The following DOCK7 variants were observed in gnomAD, a reference collection of about 807,000 sequenced individuals.
DOCK7 encodes dedicator of cytokinesis protein 7.
In DOCK7, 138 loss-of-function variants were observed where a neutral mutation model predicts 271.0. That is an observed-to-expected ratio of 0.51 (90% CI 0.44 to 0.59). The LOEUF (loss-of-function observed/expected upper bound fraction) is 0.59, where lower values mean the gene tolerates loss of function less well. Ranked by LOEUF, DOCK7 falls within the 20% of genes least tolerant of loss-of-function variation. The pLI is 0.00. For missense variants in DOCK7, 2,066 were observed against 2,592.4 expected (o/e 0.80, Z 4.41); for synonymous variants, 823 against 876.1 (o/e 0.94, Z 1.07).
At chr1:62,620,395 C>G (rs1232997357) in intron 12 of DOCK7, among the ~76,000 whole-genome samples, 1 of 151,484 alleles carries the variant, frequency 6.6e-6, no homozygotes, top group East Asian at 1.9e-4. Flanking sequence ...TAAGCATGCC[C>G]TTATGCCTAC....
Position 62,681,531 on chromosome 1 carries a change from T to C in DOCK7, c.38+6696A>G, listed in dbSNP as rs1479021468. 3.1e-4 allele frequency among the ~76,000 whole-genome samples: 7 copies of C among 22,320 alleles called. No homozygotes were observed. The South Asian group carries it at 0.029, about 91-fold the overall frequency. 14.6% of individuals were successfully genotyped at this position (22,320 alleles called of 152,430 possible). On this transcript the variant is annotated intron_variant, in intron 1 of 49. Coordinates refer to ENST00000635253, the MANE Select transcript of DOCK7 (RefSeq NM_001367561.1). ...CACATGTACCGTAGAACTTAAAGTA[T>C]AATAAAAAATAAAAAAAATAAAATA...
chr1:62,511,922 A>T (rs905488167), intron 33 of DOCK7, among the ~76,000 whole-genome samples: 1 of 152,150 alleles, frequency 6.6e-6, no homozygotes, highest in African/African-American at 2.4e-5. Flanking sequence ...TAATAAGCCA[A>T]TGTCTATTAT....
At position 62,648,182 on chromosome 1, in the gene DOCK7, ATTTCTTCATTT is replaced by A; in HGVS notation, c.645_655del (p.Asn216ArgfsTer5). On this transcript the variant is annotated frameshift_variant, in exon 6 of 50. Coordinates refer to ENST00000635253, the MANE Select transcript of DOCK7 (RefSeq NM_001367561.1). LOFTEE classifies it high-confidence loss of function. ...CCTTTGGTCATCATTCTGACGGTCTATTTCTTCATTTGGAGTTCGATCAAGTAAATTGGGAA... is the reference window on the plus strand; with the variant it reads ...CCTTTGGTCATCATTCTGACGGTCTAGGAGTTCGATCAAGTAAATTGGGAA... 6.2e-7 allele frequency: 1 copy of A among 1,613,566 alleles called. No homozygotes were observed. The highest frequency in any genetic ancestry group is 8.5e-7 in the Non-Finnish European group (1 of 1,179,740).
intron 1 of DOCK7, among the ~76,000 whole-genome samples, chr1:62,682,556 A>C (rs1321729926): frequency 6.6e-6 from 1 of 152,210 alleles, no homozygotes; most frequent in East Asian, 1.9e-4. Flanking sequence ...TTTTTAAAAA[A>C]ACAGCTCATG....
intron 7 of DOCK7, among the ~76,000 whole-genome samples, chr1:62,646,493 A>G (rs1656682102): frequency 6.6e-6 from 1 of 152,180 alleles, no homozygotes; most frequent in Non-Finnish European, 1.5e-5. Context: ...AGGTCCTAAG[A>G]GTGGGGCACT....
At chr1:62,536,989 A>C (rs1571447205) in intron 28 of DOCK7, among the ~76,000 whole-genome samples, 1 of 152,280 alleles carries the variant, frequency 6.6e-6, no homozygotes. Context: ...AGTGCCACCC[A>C]CTGAAAAACC....
At chr1:62,622,567 T>C (rs946306704) in intron 12 of DOCK7, among the ~76,000 whole-genome samples, 11 of 152,030 alleles carry the variant, frequency 7.2e-5, no homozygotes, top group Non-Finnish European at 1.3e-4. Flanking sequence ...AATTCTCCCG[T>C]CTCAGCCTCC....
At chr1:62,482,812 A>G (rs1646166946) in intron 43 of DOCK7, 1 of 152,162 alleles carries the variant, frequency 6.6e-6, no homozygotes, top group African/African-American at 2.4e-5. Context: ...CCTCTACTGC[A>G]ATTATTTTTG....
chr1:62,634,704 G>A (rs1655041226), intron 9 of DOCK7, 69 bp downstream of exon 9: 11 of 1,476,668 alleles, frequency 7.4e-6, no homozygotes, highest in Middle Eastern at 1.8e-4. Flanking sequence ...CCCTTGAAAA[G>A]TTTATAATAC....
At chr1:62,557,800 CCTT>C (rs929743160) in intron 20 of DOCK7, among the ~76,000 whole-genome samples, 9 of 151,342 alleles carry the variant, frequency 5.9e-5, no homozygotes, top group East Asian at 1.9e-4. Flanking sequence ...TTCCTTAAAA[CCTT>C]CTTCTATAAT....
chr1:62,526,798 T>C (rs148618082), intron 31 of DOCK7, among the ~76,000 whole-genome samples: 17 of 152,328 alleles, frequency 1.1e-4, no homozygotes, highest in African/African-American at 3.8e-4. Context: ...CAAAAACTTA[T>C]GCTTAGTGAA....
rs143636768 is a variant in DOCK7 at position 62,475,951 on chromosome 1, A to G, written c.5725-8T>C. On this transcript the variant is annotated splice_region_variant and splice_polypyrimidine_tract_variant and intron_variant, in intron 45 of 49. Coordinates refer to ENST00000635253, the MANE Select transcript of DOCK7 (RefSeq NM_001367561.1). ...GGTAATCTGAATATATGCCTAGGAA[A>G]GAAAAAAGTCCTTCATTTCCTCACT... is the stretch of plus-strand genomic sequence containing the variant. The G allele has an allele frequency of 9.4e-5, 152 of 1,612,008 alleles. No individual in the cohort carries two copies. The East Asian group carries it at 3.3e-3, about 35-fold the overall frequency.
chr1:62,609,992 AG>A (rs1651554808), intron 14 of DOCK7, among the ~76,000 whole-genome samples: 1 of 152,070 alleles, frequency 6.6e-6, no homozygotes, highest in African/African-American at 2.4e-5. Flanking sequence ...CTAGGATTAC[AG>A]GTATGTGCCA....
chr1:62,525,273 T>C lies in DOCK7; in HGVS notation c.3936+2878A>G, dbSNP rs558831231. 2.7e-4 allele frequency among the ~76,000 whole-genome samples: 41 copies of C among 151,820 alleles called. 1 individual carries two copies. Among genetic ancestry groups the C allele is most frequent in the Non-Finnish European group, 2.1e-4 (14 of 67,968 alleles). On this transcript the variant is annotated intron_variant, in intron 31 of 49. Coordinates refer to ENST00000635253, the MANE Select transcript of DOCK7 (RefSeq NM_001367561.1). ...ATCTGCCCACCTTGGCCTCCCAAAGTGCTGGGATTACAGGCGTGAGCCACC... is the reference window on the plus strand; with the variant it reads ...ATCTGCCCACCTTGGCCTCCCAAAGCGCTGGGATTACAGGCGTGAGCCACC...
At chr1:62,635,605 T>C (rs1051527623) in intron 8 of DOCK7, 1 of 151,444 alleles carries the variant, frequency 6.6e-6, no homozygotes, top group Non-Finnish European at 1.5e-5. Flanking sequence ...GATTCCAAAG[T>C]GACTTTTAAA....
intron 20 of DOCK7, among the ~76,000 whole-genome samples, chr1:62,556,418 AT>A (rs1202957232): frequency 1.3e-5 from 2 of 152,018 alleles, no homozygotes; most frequent in Admixed American, 6.6e-5. Context: ...AAAATTAAAA[AT>A]ATCAATAATA....
intron 11 of DOCK7, among the ~76,000 whole-genome samples, chr1:62,626,021 G>C (rs1324119065): frequency 2.0e-5 from 3 of 151,988 alleles, no homozygotes; most frequent in African/African-American, 7.2e-5. Flanking sequence ...CATTCAAAGA[G>C]ATTAAAATCA....
chr1:62,585,873 A>G (rs1024184579), intron 15 of DOCK7, among the ~76,000 whole-genome samples: 1 of 152,164 alleles, frequency 6.6e-6, no homozygotes, highest in Non-Finnish European at 1.5e-5. Flanking sequence ...ATCCCTGGTG[A>G]GACTTAAAAA....
At chr1:62,526,726 G>T (rs771076929) in intron 31 of DOCK7, among the ~76,000 whole-genome samples, 2 of 152,056 alleles carry the variant, frequency 1.3e-5, no homozygotes, top group Non-Finnish European at 2.9e-5. Context: ...CAATACAATG[G>T]AATACTATTT....
Sources: gnomAD v4.1 joint callset for allele counts (sites outside exome capture counted in the v4.1 genomes callset) on GRCh38, gnomAD v4.1.1 for gene constraint, MANE v1.5 for transcripts, NCBI Gene and HGNC (gene_info 2026-07-23, HGNC 2026-07-21) for gene names.